AGER: variants seen among roughly 807,000 people sequenced by gnomAD.
The protein encoded by AGER is advanced glycation end product-specific receptor.
A neutral mutation model predicts 48.8 loss-of-function variants in AGER; 46 were observed. The observed-to-expected ratio is 0.94, with a 90% CI of 0.74 to 1.20. AGER has a LOEUF of 1.20. Ranked by LOEUF, AGER falls within the 50% of genes most tolerant of loss-of-function variation. The pLI is 0.00. For synonymous variants in AGER, 170 were observed against 199.9 expected (o/e 0.85, Z 1.26); for missense variants, 489 against 515.0 (o/e 0.95, Z 0.49).
chr6:32,183,095 G>A lies in AGER; in HGVS notation c.508+19C>T, dbSNP rs368609511. 2.5e-4 allele frequency: 411 copies of A among 1,613,048 alleles called. No homozygotes were observed. The highest frequency in any genetic ancestry group is 3.3e-4 in the Non-Finnish European group (393 of 1,179,988). ...TGAGATCAGGGAGAAGGCAGCTTGG[G>A]GGGCACCTTAGGACTCACCCTTCTC... is the stretch of plus-strand genomic sequence containing the variant. On this transcript the variant is annotated intron_variant, in intron 5 of 10. Coordinates refer to ENST00000375076, the MANE Select transcript of AGER (RefSeq NM_001136.5).
In AGER at chr6:32,183,205, G is replaced by T; in HGVS notation, c.421-4C>A. 1 of 1,612,904 alleles carries T rather than the reference G, an allele frequency of 6.2e-7. No individual in the cohort carries two copies. The highest frequency in any genetic ancestry group is 1.3e-5 in the African/African-American group (1 of 75,016). On this transcript the variant is annotated splice_polypyrimidine_tract_variant and splice_region_variant and intron_variant, in intron 4 of 10. Coordinates refer to ENST00000375076, the MANE Select transcript of AGER (RefSeq NM_001136.5). ...CCTCTGACACACATGTCCCCACCTGGGGAAAGAGTGGTGACCTCAGAATCC... is the reference window on the plus strand; with the variant it reads ...CCTCTGACACACATGTCCCCACCTGTGGAAAGAGTGGTGACCTCAGAATCC...
chr6:32,184,156 GA>G lies in AGER; in HGVS notation c.52+14del. ...TTCTGCAGGGAGGGTCAGTGGGGTTGAGGGAGTGGCTCACCCCACAGACTGA... is the reference window on the plus strand; with the variant it reads ...TTCTGCAGGGAGGGTCAGTGGGGTTGGGGAGTGGCTCACCCCACAGACTGA... On this transcript the variant is annotated intron_variant, in intron 1 of 10. Transcript: ENST00000375076. 1 of 1,610,508 alleles carries G rather than the reference GA, an allele frequency of 6.2e-7. No homozygotes were observed. Among genetic ancestry groups the G allele is most frequent in the Non-Finnish European group, 8.5e-7 (1 of 1,178,556 alleles).
At position 32,181,406 on chromosome 6, in the gene AGER, C is replaced by T. The variant is rs145090083; in HGVS notation, c.1063G>A (p.Ala355Thr). Residue 355 changes from alanine to threonine, a missense_variant, in exon 10 of 11, where the codon GCC (alanine) becomes ACC (threonine). By Grantham distance (58) the Ala-to-Thr change is moderately conservative. Coordinates refer to ENST00000375076, the MANE Select transcript of AGER (RefSeq NM_001136.5). The surrounding 1 kb of genome is among the most constrained non-coding windows in gnomAD (Gnocchi z 4.1). ...LGILGGLGTAALLIGVILWQR... is the reference protein window; with the variant it reads ...LGILGGLGTATLLIGVILWQR... Reference sequence around the variant, plus strand: ...CACAAGATGACCCCAATGAGCAGGGCGGCTGTCCCCAGGCCTCCCAGGATC... The same window carrying T: ...CACAAGATGACCCCAATGAGCAGGGTGGCTGTCCCCAGGCCTCCCAGGATC... 3.7e-5 allele frequency: 59 copies of T among 1,613,422 alleles called. No homozygotes were observed. Among genetic ancestry groups the T allele is most frequent in the Non-Finnish European group, 3.8e-5 (45 of 1,179,806 alleles).
rs376556772 is a variant in AGER at position 32,181,181 on chromosome 6, C to T, written c.1177G>A (p.Glu393Lys). 162 of 1,614,100 alleles carry T rather than the reference C, an allele frequency of 1.0e-4. No individual in the cohort carries two copies. Among genetic ancestry groups the T allele is most frequent in the Non-Finnish European group, 1.3e-4 (156 of 1,180,040 alleles). The change falls in exon 11 of 11, where the codon GAA (glutamate) becomes AAA (lysine). Residue 393 changes from glutamate (E) to lysine (K), a missense_variant. Glu to Lys is a moderately conservative substitution (Grantham distance 56). Coordinates refer to ENST00000375076, the MANE Select transcript of AGER (RefSeq NM_001136.5). This position sits in a 1 kb window ranked among gnomAD's most constrained non-coding sequence, Gnocchi z 4.1. ...GTACTACTCTCGCCTGCCTCAGGTT[C>T]CTCCGACTGATTCAGTTCTGCACGC... ...EERAELNQSE[E>K]PEAGESSTGG...
rs766191033 is a variant in AGER at position 32,182,879 on chromosome 6, C to A, written c.653G>T (p.Arg218Leu). The A allele has an allele frequency of 6.2e-7, 1 of 1,611,316 alleles. No individual in the cohort carries two copies. Among genetic ancestry groups the A allele is most frequent in the African/African-American group, 1.3e-5 (1 of 74,776 alleles). The change falls in exon 6 of 11, where the codon CGG becomes CTG. Residue 218 changes from arginine (R) to leucine (L), a missense_variant. Physicochemically the swap from Arg to Leu is moderately radical, Grantham distance 102. Transcript: ENST00000375076. This position sits in a 1 kb window ranked among gnomAD's most constrained non-coding sequence, Gnocchi z 5.1. ...CSFSPGLPRH[R>L]ALRTAPIQPR... ...CTGGATGGGGGCTGTGCGCAAGGCC[C>A]GGTGTCGGGGAAGGCCTGGGCTGAA...
chr6:32,183,472 G>C, intron 3 of AGER, 83 bp downstream of exon 3: 7 of 1,603,552 alleles, frequency 4.4e-6, no homozygotes, highest in Non-Finnish European at 6.0e-6. Flanking sequence ...GTGGAAGTCA[G>C]AGGCCCTCAT....
Position 32,183,913 on chromosome 6 carries a change from T to C in AGER, c.127A>G (p.Lys43Glu), listed in dbSNP as rs1786739496. The C allele has an allele frequency of 3.1e-6, 5 of 1,613,060 alleles. No individual in the cohort carries two copies. Among genetic ancestry groups the C allele is most frequent in the South Asian group, 2.2e-5 (2 of 91,086 alleles). ...PLVLKCKGAP[K>E]KPPQRLEWKL... ...CATTCCAGCCGCTGGGGTGGTTTCT[T>C]GGGGGCCCCCTTACACTTCAGCACC... Residue 43 changes from lysine (K) to glutamate (E), a missense_variant, in exon 2 of 11, where the codon AAG (lysine) becomes GAG (glutamate). By Grantham distance (56) the Lys-to-Glu change is moderately conservative. Coordinates refer to ENST00000375076, the MANE Select transcript of AGER (RefSeq NM_001136.5).
In AGER at chr6:32,182,370, G is replaced by A. The variant is rs763052062; in HGVS notation, c.841C>T (p.Pro281Ser). The A allele has an allele frequency of 1.9e-6, 3 of 1,612,236 alleles. No individual in the cohort carries two copies. The highest frequency in any genetic ancestry group is 1.7e-6 in the Non-Finnish European group (2 of 1,179,772). ...GGGAGGATCAGCACAGGGCTGGGGGGAAGGGGCAAGGGCACACCCTGGTGG... is the reference window on the plus strand; with the variant it reads ...GGGAGGATCAGCACAGGGCTGGGGGAAAGGGGCAAGGGCACACCCTGGTGG... ...WMKDGVPLPL[P>S]PSPVLILPEI... The change falls in exon 8 of 11, where the codon CCC (proline) becomes TCC (serine). Residue 281 changes from proline (P) to serine (S), a missense_variant. Transcript: ENST00000375076. The surrounding 1 kb of genome is among the most constrained non-coding windows in gnomAD (Gnocchi z 5.1).
In AGER at chr6:32,181,400, G is replaced by A; in HGVS notation, c.1069C>T (p.Leu357Phe). Reference sequence around the variant, plus strand: ...CTTTGCCACAAGATGACCCCAATGAGCAGGGCGGCTGTCCCCAGGCCTCCC... The same window carrying A: ...CTTTGCCACAAGATGACCCCAATGAACAGGGCGGCTGTCCCCAGGCCTCCC... The part of the protein sequence containing the change: ...ILGGLGTAAL[L>F]IGVILWQRRQ... Residue 357 changes from leucine to phenylalanine, a missense_variant, in exon 10 of 11, where the codon CTC becomes TTC. Coordinates refer to ENST00000375076, the MANE Select transcript of AGER (RefSeq NM_001136.5). The surrounding 1 kb of genome is among the most constrained non-coding windows in gnomAD (Gnocchi z 4.1). The A allele has an allele frequency of 6.2e-7, 1 of 1,613,410 alleles. No homozygotes were observed. Among genetic ancestry groups the A allele is most frequent in the East Asian group, 2.2e-5 (1 of 44,864 alleles).
Position 32,182,233 on chromosome 6 carries a change from G to A in AGER, c.964+14C>T, listed in dbSNP as rs762424825. On this transcript the variant is annotated intron_variant, in intron 8 of 10. Coordinates refer to ENST00000375076, the MANE Select transcript of AGER (RefSeq NM_001136.5). The surrounding 1 kb of genome is among the most constrained non-coding windows in gnomAD (Gnocchi z 5.1). ...CTAGTCCCAGGGTCTGTAGGGCTTGGGGAGAGGTCTCACCGATGATGCTGA... is the reference window on the plus strand; with the variant it reads ...CTAGTCCCAGGGTCTGTAGGGCTTGAGGAGAGGTCTCACCGATGATGCTGA... 16 of 1,612,774 alleles carry A rather than the reference G, an allele frequency of 9.9e-6. No individual in the cohort carries two copies. The highest frequency in any genetic ancestry group is 7.6e-6 in the Non-Finnish European group (9 of 1,180,014).
At position 32,182,487 on chromosome 6, in the gene AGER, T is replaced by C; in HGVS notation, c.822+81A>G. ...CTTCCTCCTCAGCTCCTAGCCTGCCTTTCCCTCGTTAGCCCTCTGCCCTCC... is the reference window on the plus strand; with the variant it reads ...CTTCCTCCTCAGCTCCTAGCCTGCCCTTCCCTCGTTAGCCCTCTGCCCTCC... On this transcript the variant is annotated intron_variant, in intron 7 of 10. Coordinates refer to ENST00000375076, the MANE Select transcript of AGER (RefSeq NM_001136.5). This position sits in a 1 kb window ranked among gnomAD's most constrained non-coding sequence, Gnocchi z 5.1. The C allele has an allele frequency of 6.3e-7, 1 of 1,591,818 alleles. No homozygotes were observed. The highest frequency in any genetic ancestry group is 1.1e-5 in the South Asian group (1 of 88,794).
chr6:32,183,867 G>T lies in AGER; in HGVS notation c.159+14C>A. The T allele has an allele frequency of 6.2e-7, 1 of 1,613,046 alleles. No homozygotes were observed. The highest frequency in any genetic ancestry group is 8.5e-7 in the Non-Finnish European group (1 of 1,179,994). On this transcript the variant is annotated intron_variant, in intron 2 of 10. Coordinates refer to ENST00000375076, the MANE Select transcript of AGER (RefSeq NM_001136.5). ...CCCTGGAAGTTGGGAGGCTGCAACAGGAGCCCCGCTTACCAGTTTCCATTC... is the reference window on the plus strand; with the variant it reads ...CCCTGGAAGTTGGGAGGCTGCAACATGAGCCCCGCTTACCAGTTTCCATTC...
rs2127432536 is a variant in AGER at position 32,181,280 on chromosome 6, C to T, written c.1119-41G>A. On this transcript the variant is annotated intron_variant, in intron 10 of 10. Transcript: ENST00000375076. This position sits in a 1 kb window ranked among gnomAD's most constrained non-coding sequence, Gnocchi z 4.1. The stretch of plus-strand genomic sequence containing the variant: ...GGGGGGAATGCGGCACGTTGTCGTT[C>T]CACCCCCCGACCCCTCTTCGCTTGC... 1 of 1,613,834 alleles carries T rather than the reference C, an allele frequency of 6.2e-7. No individual in the cohort carries two copies. Among genetic ancestry groups the T allele is most frequent in the East Asian group, 2.2e-5 (1 of 44,884 alleles).
chr6:32,183,571 G>A lies in AGER; in HGVS notation c.339C>T (p.Tyr113=), dbSNP rs1000138351. The A allele has an allele frequency of 1.2e-6, 2 of 1,613,090 alleles. No individual in the cohort carries two copies. Among genetic ancestry groups the A allele is most frequent in the Non-Finnish European group, 1.7e-6 (2 of 1,180,030 alleles). ...NRNGKETKSN[Y]RVRVYQIPGK... ...AATTCTTACGGTAGACACGGACTCG[G>A]TAGTTGGACTTGGTCTCCTTTCCAT... The change falls in exon 3 of 11, where the codon TAC becomes TAT. Residue 113 remains tyrosine (Y), a synonymous_variant. Coordinates refer to ENST00000375076, the MANE Select transcript of AGER (RefSeq NM_001136.5).
In AGER at chr6:32,182,094, A is replaced by C. The variant is rs750390744; in HGVS notation, c.964+153T>G. ...GAGGCTTGGCTGCTCTCTTGGCAGA[A>C]TTTGGGTGGGGCAGGGGAGGCTTGG... On this transcript the variant is annotated intron_variant, in intron 8 of 10. Transcript: ENST00000375076. This position sits in a 1 kb window ranked among gnomAD's most constrained non-coding sequence, Gnocchi z 5.1. 9.1e-7 allele frequency: 1 copy of C among 1,098,640 alleles called. No homozygotes were observed. Among genetic ancestry groups the C allele is most frequent in the South Asian group, 1.3e-5 (1 of 76,726 alleles). The allele number at this position is 1,098,640 out of a possible 1,614,324, so 68.1% of individuals were successfully genotyped here. A position where few individuals can be genotyped will look rare whatever the true frequency, so the allele number is the denominator to read the frequency against.
Position 32,183,623 on chromosome 6 carries a change from A to G in AGER, c.287T>C (p.Ile96Thr). 1 of 1,612,978 alleles carries G rather than the reference A, an allele frequency of 6.2e-7. No individual in the cohort carries two copies. Residue 96 changes from isoleucine to threonine, a missense_variant, in exon 3 of 11, where the codon ATT (isoleucine) becomes ACT (threonine). Physicochemically the swap from Ile to Thr is moderately conservative, Grantham distance 89 (BLOSUM62 -1). Transcript: ENST00000375076. The part of the protein sequence containing the change: ...LPAVGIQDEG[I>T]FRCQAMNRNG... Reference sequence around the variant, plus strand: ...CCTGTTCATTGCCTGGCACCGGAAAATCCCCTCATCCTGGATCCCGACAGC... The same window carrying G: ...CCTGTTCATTGCCTGGCACCGGAAAGTCCCCTCATCCTGGATCCCGACAGC...
intron 5 of AGER, 22 bp from the exon 6 acceptor site, chr6:32,183,045 A>G (rs779329403): frequency 2.5e-6 from 4 of 1,613,012 alleles, no homozygotes; most frequent in South Asian, 1.1e-5. Context: ...GGATAAGACA[A>G]ATTATCCCAG....
chr6:32,184,040 A>G, intron 1 of AGER, 53 bp from the exon 2 acceptor site: 1 of 1,612,006 alleles, frequency 6.2e-7, no homozygotes, highest in Non-Finnish European at 8.5e-7. Context: ...GGCTAACAAA[A>G]TTTGGACAGG....
chr6:32,182,208 C>T lies in AGER; in HGVS notation c.964+39G>A, dbSNP rs1786341828. ...ATTAGAGCCTGTGCTGTCCTGCACC[C>T]TAGTCCCAGGGTCTGTAGGGCTTGG... On this transcript the variant is annotated intron_variant, in intron 8 of 10. Coordinates refer to ENST00000375076, the MANE Select transcript of AGER (RefSeq NM_001136.5). This position sits in a 1 kb window ranked among gnomAD's most constrained non-coding sequence, Gnocchi z 5.1. 3 of 1,612,442 alleles carry T rather than the reference C, an allele frequency of 1.9e-6. No homozygotes were observed. Among genetic ancestry groups the T allele is most frequent in the Non-Finnish European group, 2.5e-6 (3 of 1,179,988 alleles).
Sources: allele counts gnomAD v4.1 joint callset, GRCh38; gene constraint gnomAD v4.1.1; non-coding constraint Gnocchi (gnomAD v3.1); transcripts MANE v1.5; gene names NCBI Gene and HGNC (gene_info 2026-07-23, HGNC 2026-07-21).